JAG1: variants seen among roughly 807,000 people sequenced by gnomAD.
JAG1 encodes jagged canonical Notch ligand 1.
A neutral mutation model predicts 148.7 loss-of-function variants in JAG1; 23 were observed. The observed-to-expected ratio is 0.15, with a 90% CI of 0.11 to 0.22. The LOEUF (loss-of-function observed/expected upper bound fraction) is 0.22. Among genes scored for constraint, JAG1 ranks in the 10% least tolerant of loss-of-function variants. The probability of loss-of-function intolerance (pLI) is 1.00; values close to 1 mark genes in which losing one functional copy is unlikely to be tolerated. For synonymous variants in JAG1, 572 were observed against 598.3 expected, an observed-to-expected ratio of 0.96 and a Z score of 0.64; for missense variants, 1,054 against 1,611.2, an observed-to-expected ratio of 0.65 and a Z score of 5.92.
chr20:10,646,841 AC>A (rs1300001223), intron 14 of JAG1, 97 bp downstream of exon 14: 22 of 1,248,344 alleles, frequency 1.8e-5, no homozygotes, highest in Non-Finnish European at 2.3e-5. Context: ...AAAAAAAAAA[AC>A]TTTCAACACC....
intron 4 of JAG1, 115 bp downstream of exon 4, chr20:10,658,353 A>G (rs2067392052): frequency 7.2e-7 from 1 of 1,385,682 alleles, no homozygotes. Flanking sequence ...GCCCAGAATA[A>G]CAGCCAAAAT....
chr20:10,650,320 G>T lies in JAG1; in HGVS notation c.1161C>A (p.Gly387=). ...ATCCGTTAACCAGGTCCTGGCAGGTGCCCCCGTGGGAACAGTTATTAGGAG... is the reference window on the plus strand; with the variant it reads ...ATCCGTTAACCAGGTCCTGGCAGGTTCCCCCGTGGGAACAGTTATTAGGAG... The part of the protein sequence containing the change: ...DCSPNNCSHG[G]TCQDLVNGFK... Residue 387 remains glycine, a synonymous_variant, in exon 9 of 26, where the codon GGC becomes GGA. Transcript: ENST00000254958. 1 of 1,613,716 alleles carries T rather than the reference G, an allele frequency of 6.2e-7. No individual in the cohort carries two copies. The highest frequency in any genetic ancestry group is 8.5e-7 in the Non-Finnish European group (1 of 1,179,666).
chr20:10,663,944 C>T lies in JAG1; in HGVS notation c.439+19G>A. On this transcript the variant is annotated intron_variant, in intron 3 of 25. Coordinates refer to ENST00000254958, the MANE Select transcript of JAG1 (RefSeq NM_000214.3). ...CTTCCACGTGTGTTTAGAGAAAAGT[C>T]CACAGAAGCGATACTTACGAACGGT... The T allele has an allele frequency of 6.2e-7, 1 of 1,609,774 alleles. No homozygotes were observed. Among genetic ancestry groups the T allele is most frequent in the Non-Finnish European group, 8.5e-7 (1 of 1,176,056 alleles).
In JAG1 at chr20:10,639,497, G is replaced by A. The variant is rs2067255055; in HGVS notation, c.*1C>T. ...CTAGCGGCGGCAGTGCCCGCGGTCTGCTATACGATGTACTCCATTCGGTTT... is the reference window on the plus strand; with the variant it reads ...CTAGCGGCGGCAGTGCCCGCGGTCTACTATACGATGTACTCCATTCGGTTT... On this transcript the variant is annotated 3_prime_UTR_variant, in exon 26 of 26. Transcript: ENST00000254958. The A allele has an allele frequency of 2.5e-6, 4 of 1,613,624 alleles. No homozygotes were observed. The highest frequency in any genetic ancestry group is 3.4e-6 in the Non-Finnish European group (4 of 1,179,642).
chr20:10,673,026 G>A lies in JAG1; in HGVS notation c.82-20C>T, dbSNP rs535703725. On this transcript the variant is annotated intron_variant, in intron 1 of 25. Coordinates refer to ENST00000254958, the MANE Select transcript of JAG1 (RefSeq NM_000214.3). This position sits in a 1 kb window ranked among gnomAD's most constrained non-coding sequence, Gnocchi z 4.7. Reference sequence around the variant, plus strand: ...ACACACCTGCCGGCGAGGGAAGGAGGTAGGTCAGCGCGGGAGAAAGCTGTT... The same window carrying A: ...ACACACCTGCCGGCGAGGGAAGGAGATAGGTCAGCGCGGGAGAAAGCTGTT... 8.7e-6 allele frequency: 14 copies of A among 1,602,632 alleles called. No homozygotes were observed. In the Admixed American group the frequency reaches 1.2e-4, roughly 13 times the overall value.
chr20:10,644,902 C>A lies in JAG1; in HGVS notation c.2305G>T (p.Val769Phe). 1.9e-6 allele frequency: 3 copies of A among 1,614,040 alleles called. No homozygotes were observed. The highest frequency in any genetic ancestry group is 2.5e-6 in the Non-Finnish European group (3 of 1,179,976). The change falls in exon 18 of 26, where the codon GTC becomes TTC. Residue 769 changes from valine (V) to phenylalanine (F), a missense_variant. Val to Phe is a conservative substitution (Grantham distance 50). This residue lies in a region of JAG1 where 342 missense variants were observed against 514.6 expected (regional missense o/e 0.66). Coordinates refer to ENST00000254958, the MANE Select transcript of JAG1 (RefSeq NM_000214.3). ...GGCCCCTCCCAGCCTTCCTTGCAGA[C>A]GCACGTAAAGGACTCGCCGTTGACC... ...CVVNGESFTCVCKEGWEGPIC... is the reference protein window; with the variant it reads ...CVVNGESFTCFCKEGWEGPIC...
In JAG1 at chr20:10,641,548, G is replaced by A. The variant is rs767826365; in HGVS notation, c.2828C>T (p.Pro943Leu). 6.1e-5 allele frequency: 99 copies of A among 1,614,088 alleles called. No homozygotes were observed. Among genetic ancestry groups the A allele is most frequent in the East Asian group, 1.1e-4 (5 of 44,898 alleles). ...VGECRSSSLQ[P>L]VKTKCTSDSY... ...GTCAGAGGTGCACTTTGTCTTCACC[G>A]GCTGGAGACTGGAAGACCGACACTC... The change falls in exon 23 of 26, where the codon CCG (proline) becomes CTG (leucine). Residue 943 changes from proline (P) to leucine (L), a missense_variant. By Grantham distance (98) the Pro-to-Leu change is moderately conservative (BLOSUM62 -3). Transcript: ENST00000254958.
chr20:10,637,850 T>C lies in JAG1; in HGVS notation c.*1648A>G, dbSNP rs1343253865. Reference sequence around the variant, plus strand: ...TGTGGTTGAAAAGCCTTTCAGTTCTTCCTCCATCCCTCTGTCAGGCAGAGC... The same window carrying C: ...TGTGGTTGAAAAGCCTTTCAGTTCTCCCTCCATCCCTCTGTCAGGCAGAGC... On this transcript the variant is annotated 3_prime_UTR_variant, in exon 26 of 26. Coordinates refer to ENST00000254958, the MANE Select transcript of JAG1 (RefSeq NM_000214.3). The C allele has an allele frequency of 1.3e-5, 2 of 152,568 alleles. No homozygotes were observed. Among genetic ancestry groups the C allele is most frequent in the Admixed American group, 1.3e-4 (2 of 15,288 alleles). 9.5% of individuals were successfully genotyped at this position (152,568 alleles called of 1,614,324 possible). A position where few individuals can be genotyped will look rare whatever the true frequency, so the allele number is the denominator to read the frequency against.
At chr20:10,654,872 C>T (rs1043904489) in intron 5 of JAG1, among the ~76,000 whole-genome samples, 1 of 152,204 alleles carries the variant, frequency 6.6e-6, no homozygotes, top group African/African-American at 2.4e-5. Context: ...GTTCTGATGA[C>T]AGCAGCACAA....
At position 10,637,996 on chromosome 20, in the gene JAG1, TAATA is replaced by T. The variant is rs755862800; in HGVS notation, c.*1498_*1501del. On this transcript the variant is annotated 3_prime_UTR_variant, in exon 26 of 26. Coordinates refer to ENST00000254958, the MANE Select transcript of JAG1 (RefSeq NM_000214.3). Reference sequence around the variant, plus strand: ...TTCCATGTTTTCATACAAAAAAATTTAATAAATATTACTTTTCAAAATTTATTGC... The same window carrying T: ...TTCCATGTTTTCATACAAAAAAATTTAATATTACTTTTCAAAATTTATTGC... 6 of 152,678 alleles carry T rather than the reference TAATA, an allele frequency of 3.9e-5. No individual in the cohort carries two copies. Among genetic ancestry groups the T allele is most frequent in the Non-Finnish European group, 5.9e-5 (4 of 68,052 alleles). 9.5% of individuals were successfully genotyped at this position (152,678 alleles called of 1,614,324 possible). A position where few individuals can be genotyped will look rare whatever the true frequency, so the allele number is the denominator to read the frequency against.
At chr20:10,646,623 A>AAGACAGAGGGAAGGGT (rs2067310732) in intron 14 of JAG1, among the ~76,000 whole-genome samples, 1 of 151,914 alleles carries the variant, frequency 6.6e-6, no homozygotes, top group Admixed American at 6.6e-5. Context: ...GACCAGCCTG[A>AAGACAGAGGGAAGGGT]CCAACATGGG....
chr20:10,640,901 C>T lies in JAG1; in HGVS notation c.3081G>A (p.Pro1027=), dbSNP rs766664730. The stretch of plus-strand genomic sequence containing the variant: ...TTATTTTGTCAGTGATTTCCTTGAT[C>T]GGGTTCCCATCATCCCGTATATCTT... ...SAEDIRDDGN[P]IKEITDKIID... is the part of the protein sequence containing the mutation. The change falls in exon 25 of 26, where the codon CCG becomes CCA. Residue 1027 remains proline (P), a synonymous_variant. Coordinates refer to ENST00000254958, the MANE Select transcript of JAG1 (RefSeq NM_000214.3). The T allele has an allele frequency of 3.3e-5, 53 of 1,613,988 alleles. No homozygotes were observed. The highest frequency in any genetic ancestry group is 6.7e-5 in the East Asian group (3 of 44,886).
At chr20:10,644,744 C>G in intron 18 of JAG1, 119 bp downstream of exon 18, 1 of 817,870 alleles carries the variant, frequency 1.2e-6, no homozygotes, top group South Asian at 1.3e-5. Flanking sequence ...TAATGCAGAC[C>G]CAGGTGATAC....
At chr20:10,652,934 C>T in intron 5 of JAG1, among the ~76,000 whole-genome samples, 1 of 152,058 alleles carries the variant, frequency 6.6e-6, no homozygotes, top group Non-Finnish European at 1.5e-5. Flanking sequence ...TTGCGACAGA[C>T]TATAGAGGAA....
At position 10,672,885 on chromosome 20, in the gene JAG1, C is replaced by A; in HGVS notation, c.203G>T (p.Arg68Leu). ...ARNPGDRKCT[R>L]DECDTYFKVC... ...TTTGAAGTATGTGTCACACTCGTCG[C>A]GGGTGCACTTGCGGTCTCCCGGGTT... is the stretch of plus-strand genomic sequence containing the variant. The change falls in exon 2 of 26, where the codon CGC becomes CTC. Residue 68 changes from arginine (R) to leucine (L), a missense_variant. Arg to Leu is a moderately radical substitution (Grantham distance 102). Coordinates refer to ENST00000254958, the MANE Select transcript of JAG1 (RefSeq NM_000214.3). The A allele has an allele frequency of 1.2e-6, 2 of 1,613,302 alleles. No homozygotes were observed. Among genetic ancestry groups the A allele is most frequent in the Non-Finnish European group, 1.7e-6 (2 of 1,180,044 alleles).
chr20:10,652,418 G>T, intron 6 of JAG1, 50 bp downstream of exon 6: 1 of 1,609,968 alleles, frequency 6.2e-7, no homozygotes. Context: ...CCAAATTAGT[G>T]CCATCCCACC....
At position 10,673,109 on chromosome 20, in the gene JAG1, C is replaced by T. The variant is rs748507859; in HGVS notation, c.82-103G>A. 1 of 1,072,534 alleles carries T rather than the reference C, an allele frequency of 9.3e-7. No individual in the cohort carries two copies. 66.4% of individuals were successfully genotyped at this position (1,072,534 alleles called of 1,614,324 possible). ...ACTCCCCGCCCCGACGAGCCCTCCT[C>T]GCCGAGTGAAAATAATTTTGCGAAA... On this transcript the variant is annotated intron_variant, in intron 1 of 25. Coordinates refer to ENST00000254958, the MANE Select transcript of JAG1 (RefSeq NM_000214.3). This position sits in a 1 kb window ranked among gnomAD's most constrained non-coding sequence, Gnocchi z 4.7.
rs761302044 is a variant in JAG1 at position 10,651,744 on chromosome 20, C to T, written c.1007-50G>A. ...GAGAGGGATGCCTGCACACCGTTAC[C>T]TCCCCACACCCCCCTCCAACCGAAT... On this transcript the variant is annotated intron_variant, in intron 7 of 25. Transcript: ENST00000254958. 3 of 1,161,800 alleles carry T rather than the reference C, an allele frequency of 2.6e-6. No homozygotes were observed. The East Asian group carries it at 7.2e-5, about 28-fold the overall frequency. The allele number at this position is 1,161,800 out of a possible 1,614,324, so 72.0% of individuals were successfully genotyped here.
intron 8 of JAG1, chr20:10,651,343 C>G (rs1409026585): frequency 8.3e-6 from 4 of 484,566 alleles, no homozygotes; most frequent in African/African-American, 7.7e-5. Flanking sequence ...AAGGAACAAG[C>G]GATTCCACGA....
Sources: gnomAD v4.1 joint callset for allele counts (sites outside exome capture counted in the v4.1 genomes callset) on GRCh38, gnomAD v4.1.1 for gene constraint, gnomAD v4.1.1 regional missense constraint, Gnocchi (gnomAD v3.1) non-coding constraint, MANE v1.5 for transcripts, NCBI Gene and HGNC (gene_info 2026-07-23, HGNC 2026-07-21) for gene names.